GPC6: variants seen among roughly 807,000 people sequenced by gnomAD.
GPC6 encodes the protein glypican-6.
A neutral mutation model predicts 55.2 loss-of-function variants in GPC6; 14 were observed. The ratio of observed to expected loss-of-function variants is 0.25; its 90% CI spans 0.17 to 0.40. The LOEUF (loss-of-function observed/expected upper bound fraction) is 0.40. Among genes scored for constraint, GPC6 ranks in the 10% least tolerant of loss-of-function variants. The pLI is 1.00. For missense variants in GPC6, 641 were observed against 708.5 expected, an observed-to-expected ratio of 0.90 and a Z score of 1.08; for synonymous variants, 278 against 259.6, an observed-to-expected ratio of 1.07 and a Z score of -0.68.
At chr13:93,667,922 A>G (rs1464546531) in intron 2 of GPC6, among the ~76,000 whole-genome samples, 2 of 152,114 alleles carry the variant, frequency 1.3e-5, no homozygotes, top group Non-Finnish European at 2.9e-5. Context: ...TGCTTTTAAT[A>G]TTAAAGGGAA....
intron 1 of GPC6, among the ~76,000 whole-genome samples, chr13:93,360,899 C>T (rs1367342231): frequency 2.6e-5 from 4 of 152,094 alleles, no homozygotes; most frequent in Admixed American, 2.6e-4. Context: ...CCTTTAACTC[C>T]GTGACCCCAC....
chr13:94,370,209 T>C (rs1240890553), intron 6 of GPC6, among the ~76,000 whole-genome samples: 2 of 152,252 alleles, frequency 1.3e-5, no homozygotes, highest in African/African-American at 4.8e-5. Flanking sequence ...GTGAAACTTA[T>C]TAATTATTCT....
chr13:93,696,821 A>T (rs186960636), intron 2 of GPC6, among the ~76,000 whole-genome samples: 2,275 of 151,818 alleles, frequency 0.015, 27 homozygotes, highest in Middle Eastern at 0.034. Context: ...CGGGGTTTTC[A>T]CCATGTTGGC....
At chr13:93,469,369 C>A (rs1879028556) in intron 1 of GPC6, among the ~76,000 whole-genome samples, 1 of 152,056 alleles carries the variant, frequency 6.6e-6, no homozygotes, top group African/African-American at 2.4e-5. Flanking sequence ...GGATATGATA[C>A]AAGATAAAAG....
chr13:94,144,547 A>ATGTGTGTGTGTG (rs67016286), intron 4 of GPC6, among the ~76,000 whole-genome samples: 76 of 148,432 alleles, frequency 5.1e-4, no homozygotes, highest in East Asian at 3.3e-3. Context: ...GTGTGTGTGT[A>ATGTGTGTGTGTG]TGTGTGTGTG....
chr13:93,479,404 G>C (rs1049931988), intron 1 of GPC6, among the ~76,000 whole-genome samples: 1 of 152,164 alleles, frequency 6.6e-6, no homozygotes, highest in African/African-American at 2.4e-5. Context: ...AAGCATAAAA[G>C]CAGGATTGTA....
At chr13:94,167,900 GC>G (rs1888421009) in intron 4 of GPC6, among the ~76,000 whole-genome samples, 2 of 152,146 alleles carry the variant, frequency 1.3e-5, no homozygotes, top group Admixed American at 1.3e-4. Flanking sequence ...TAATAGTAAT[GC>G]CAATTGCTTA....
chr13:93,531,969 G>C (rs1881885490), intron 1 of GPC6, among the ~76,000 whole-genome samples: 1 of 152,082 alleles, frequency 6.6e-6, no homozygotes. Context: ...CTATTAAAAG[G>C]ACGGTAGTAC....
chr13:94,305,997 T>G lies in GPC6; in HGVS notation c.1026T>G (p.Gly342=). The G allele has an allele frequency of 6.2e-7, 1 of 1,614,172 alleles. No individual in the cohort carries two copies. Among genetic ancestry groups the G allele is most frequent in the Non-Finnish European group, 8.5e-7 (1 of 1,180,012 alleles). Reference sequence around the variant, plus strand: ...TCTTCCAGGTCTTTCAGGGATGTGGTCAGCCCAAACCTGCTCCAGCCCTCA... The same window carrying G: ...TCTTCCAGGTCTTTCAGGGATGTGGGCAGCCCAAACCTGCTCCAGCCCTCA... The part of the protein sequence containing the change: ...QVSAKVFQGC[G]QPKPAPALRS... Residue 342 remains glycine, a synonymous_variant, in exon 6 of 9, where the codon GGT becomes GGG. Transcript: ENST00000377047.
intron 3 of GPC6, among the ~76,000 whole-genome samples, chr13:93,979,726 G>A (rs1033659007): frequency 6.6e-6 from 1 of 151,978 alleles, no homozygotes; most frequent in Non-Finnish European, 1.5e-5. Flanking sequence ...GCCAAATATT[G>A]GTCCTTGGAA....
At chr13:93,725,649 C>A (rs1457926917) in intron 2 of GPC6, among the ~76,000 whole-genome samples, 1 of 151,930 alleles carries the variant, frequency 6.6e-6, no homozygotes, top group Non-Finnish European at 1.5e-5. Flanking sequence ...TGTGCATTAC[C>A]AATAATCATC....
chr13:94,093,515 A>G (rs1885562076), intron 4 of GPC6, among the ~76,000 whole-genome samples: 1 of 152,096 alleles, frequency 6.6e-6, no homozygotes, highest in Admixed American at 6.6e-5. Flanking sequence ...ACTCAGTAGT[A>G]TATTTTGAAA....
intron 4 of GPC6, among the ~76,000 whole-genome samples, chr13:94,275,346 A>G (rs1892169935): frequency 6.6e-6 from 1 of 152,178 alleles, no homozygotes. Flanking sequence ...TTTCTGAGAC[A>G]GGGCATTTAG....
intron 3 of GPC6, among the ~76,000 whole-genome samples, chr13:93,913,516 T>A (rs4773765): frequency 0.17 from 25,758 of 152,204 alleles, 2,503 homozygotes; most frequent in Middle Eastern, 0.23. Flanking sequence ...TTCTATAATG[T>A]TTTTGGAAAT....
chr13:94,382,601 TG>T, intron 7 of GPC6, 51 bp downstream of exon 7: 2 of 1,610,642 alleles, frequency 1.2e-6, no homozygotes, highest in Non-Finnish European at 8.5e-7. Flanking sequence ...CACCCAGCCT[TG>T]GAAGACTCTC....
chr13:93,488,968 A>C (rs533160583), intron 1 of GPC6, among the ~76,000 whole-genome samples: 1 of 151,896 alleles, frequency 6.6e-6, no homozygotes, highest in African/African-American at 2.4e-5. Context: ...GAAGCTCTTT[A>C]GTTTAATTAG....
intron 1 of GPC6, among the ~76,000 whole-genome samples, chr13:93,290,765 T>G (rs987241578): frequency 5.3e-5 from 8 of 152,166 alleles, no homozygotes; most frequent in African/African-American, 1.9e-4. Context: ...CATACTGATC[T>G]CATGATAACT....
rs889515885 is a variant in GPC6, at chr13:93,996,400, T to C, written c.712-31329T>C. Among the ~76,000 whole-genome samples, 7 of 152,176 alleles carry C rather than the reference T, an allele frequency of 4.6e-5. No homozygotes were observed. In the South Asian group the frequency reaches 8.3e-4, roughly 18 times the overall value. On this transcript the variant is annotated intron_variant, in intron 3 of 8. Transcript: ENST00000377047. ...TTTATGTCACACACTGTCTTTGAGA[T>C]TATCAGACTTGGTTTCAATAAAACT...
chr13:94,207,933 A>G (rs564888595), intron 4 of GPC6, among the ~76,000 whole-genome samples: 174 of 152,272 alleles, frequency 1.1e-3, no homozygotes, highest in African/African-American at 3.8e-3. Flanking sequence ...CATTATTTTT[A>G]CAATTTATTA....
Sources: allele counts gnomAD v4.1 joint callset (sites outside exome capture counted in the v4.1 genomes callset), GRCh38; gene constraint gnomAD v4.1.1; transcripts MANE v1.5; gene names NCBI Gene and HGNC (gene_info 2026-07-23, HGNC 2026-07-21).